PIGO: variants seen among roughly 807,000 people sequenced by gnomAD.
The protein encoded by PIGO is phosphatidylinositol glycan anchor biosynthesis class O.
A neutral mutation model predicts 86.9 loss-of-function variants in PIGO; 66 were observed. The observed-to-expected ratio is 0.76, with a 90% CI of 0.62 to 0.93. The LOEUF (loss-of-function observed/expected upper bound fraction) is 0.93, where lower values mean the gene tolerates loss of function less well. PIGO is among the 40% of genes least tolerant of loss of function. PIGO has a pLI of 0.00. For missense variants in PIGO, 1,202 were observed against 1,359.1 expected (o/e 0.88, Z 1.82); for synonymous variants, 570 against 556.4 (o/e 1.02, Z -0.34).
Position 35,089,222 on chromosome 9 carries a change from C to T in PIGO, c.3141-1G>A. 1 of 1,614,192 alleles carries T rather than the reference C, an allele frequency of 6.2e-7. No individual in the cohort carries two copies. The highest frequency in any genetic ancestry group is 8.5e-7 in the Non-Finnish European group (1 of 1,180,028). On this transcript the variant is annotated splice_acceptor_variant, in intron 10 of 10. Coordinates refer to ENST00000378617, the MANE Select transcript of PIGO (RefSeq NM_032634.4). LOFTEE classifies it high-confidence loss of function. ...GAAGCCCACAGCCTCAAATATGAAC[C>T]TGCAAAGAAAGGCGGAGAATCTCAG... is the stretch of plus-strand genomic sequence containing the variant.
chr9:35,093,420 C>A lies in PIGO; in HGVS notation c.939+1G>T, dbSNP rs780385306. 1 of 1,613,976 alleles carries A rather than the reference C, an allele frequency of 6.2e-7. No homozygotes were observed. The highest frequency in any genetic ancestry group is 8.5e-7 in the Non-Finnish European group (1 of 1,180,006). Reference sequence around the variant, plus strand: ...CAGATGAGGAACATCCCAGGCCTCACCTCTGGTGGGGTGCTGGGGAAGACT... The same window carrying A: ...CAGATGAGGAACATCCCAGGCCTCAACTCTGGTGGGGTGCTGGGGAAGACT... On this transcript the variant is annotated splice_donor_variant, in intron 5 of 10. Coordinates refer to ENST00000378617, the MANE Select transcript of PIGO (RefSeq NM_032634.4). LOFTEE classifies it high-confidence loss of function.
chr9:35,090,023 CAG>C, intron 9 of PIGO, 41 bp downstream of exon 9: 2 of 1,583,862 alleles, frequency 1.3e-6, no homozygotes, highest in Non-Finnish European at 1.7e-6. Flanking sequence ...GATGCACACA[CAG>C]AGAAAAAACA....
Position 35,092,026 on chromosome 9 carries a change from C to G in PIGO, c.1861G>C (p.Ala621Pro). 1.9e-6 allele frequency: 3 copies of G among 1,614,228 alleles called. 1 individual carries two copies. Among genetic ancestry groups the G allele is most frequent in the Middle Eastern group, 1.6e-4 (1 of 6,062 alleles). The change falls in exon 7 of 11, where the codon GCC (alanine) becomes CCC (proline). Residue 621 changes from alanine to proline, a missense_variant. By Grantham distance (27) the Ala-to-Pro change is conservative. Transcript: ENST00000378617. ...TNPPRHNGAY[A>P]LRLGIGLLLC... is the part of the protein sequence containing the mutation. ...AGCAACCCAATTCCAAGCCTCAGGG[C>G]ATATGCACCATTGTGCCGTGGGGGG...
At position 35,095,283 on chromosome 9, in the gene PIGO, G is replaced by A. The variant is rs753828709; in HGVS notation, c.283C>T (p.Pro95Ser). Reference sequence around the variant, plus strand: ...TTGCCCAGGAAGGGTAGGGAGACAGGAGGCTCTCTAGGCACGTGTGAATGC... The same window carrying A: ...TTGCCCAGGAAGGGTAGGGAGACAGAAGGCTCTCTAGGCACGTGTGAATGC... ...PQHSHVPREP[P>S]VSLPFLGKLS... is the part of the protein sequence containing the mutation. The change falls in exon 2 of 11, where the codon CCT becomes TCT. Residue 95 changes from proline (P) to serine (S), a missense_variant. Pro to Ser is a moderately conservative substitution (Grantham distance 74). Coordinates refer to ENST00000378617, the MANE Select transcript of PIGO (RefSeq NM_032634.4). 4.3e-6 allele frequency: 7 copies of A among 1,614,158 alleles called. No homozygotes were observed. The Admixed American group carries it at 1.2e-4, about 27-fold the overall frequency.
Position 35,090,693 on chromosome 9 carries a change from C to T in PIGO, c.2648-21G>A, listed in dbSNP as rs368856186. The T allele has an allele frequency of 2.6e-5, 42 of 1,609,282 alleles. No individual in the cohort carries two copies. In the African/African-American group the frequency reaches 3.6e-4, roughly 14 times the overall value. On this transcript the variant is annotated intron_variant, in intron 7 of 10. Transcript: ENST00000378617. ...AGGACCTGGAAGAAAAGATATGCCA[C>T]GTTACAGTCACTTCTTATTCCCTAA... is the stretch of plus-strand genomic sequence containing the variant.
Position 35,092,126 on chromosome 9 carries a change from C to G in PIGO, c.1761G>C (p.Gln587His). ...GAAGCAGCTGGCCCTCCCAGTGAAG[C>G]TGGACAACCAGGAGCAGGATGAATG... ...LGSFILLLVV[Q>H]LHWEGQLLPP... Residue 587 changes from glutamine (Q) to histidine (H), a missense_variant, in exon 7 of 11, where the codon CAG becomes CAC. Gln to His is a conservative substitution (Grantham distance 24, BLOSUM62 0). Transcript: ENST00000378617. The G allele has an allele frequency of 6.2e-7, 1 of 1,614,222 alleles. No homozygotes were observed. Among genetic ancestry groups the G allele is most frequent in the South Asian group, 1.1e-5 (1 of 91,090 alleles).
Position 35,090,621 on chromosome 9 carries a change from G to A in PIGO, c.2699C>T (p.Thr900Ile), listed in dbSNP as rs770850061. 3.7e-6 allele frequency: 6 copies of A among 1,614,036 alleles called. No homozygotes were observed. The highest frequency in any genetic ancestry group is 1.3e-5 in the African/African-American group (1 of 75,066). Residue 900 changes from threonine (T) to isoleucine (I), a missense_variant, in exon 8 of 11, where the codon ACA (threonine) becomes ATA (isoleucine). Transcript: ENST00000378617. ...QAVSAWALMATQTFYSTGHQP... is the reference protein window; with the variant it reads ...QAVSAWALMAIQTFYSTGHQP... Reference sequence around the variant, plus strand: ...GTGGCCTGTGGAGTAGAAGGTCTGTGTGGCCATGAGGGCCCAAGCCGAGAC... The same window carrying A: ...GTGGCCTGTGGAGTAGAAGGTCTGTATGGCCATGAGGGCCCAAGCCGAGAC...
rs748435788 is a variant in PIGO at position 35,092,353 on chromosome 9, G to A, written c.1534C>T (p.Leu512Phe). ...GTIELKLDLV[L>F]LGAVAAVSSF... is the part of the protein sequence containing the mutation. Reference sequence around the variant, plus strand: ...CTCACTGCAGCCACAGCCCCTAGAAGCACTAGATCTAGCTTCAGCTCAATA... The same window carrying A: ...CTCACTGCAGCCACAGCCCCTAGAAACACTAGATCTAGCTTCAGCTCAATA... The change falls in exon 7 of 11, where the codon CTT (leucine) becomes TTT (phenylalanine). Residue 512 changes from leucine (L) to phenylalanine (F), a missense_variant. Coordinates refer to ENST00000378617, the MANE Select transcript of PIGO (RefSeq NM_032634.4). 15 of 1,614,108 alleles carry A rather than the reference G, an allele frequency of 9.3e-6. No homozygotes were observed. Among genetic ancestry groups the A allele is most frequent in the Non-Finnish European group, 1.2e-5 (14 of 1,180,046 alleles).
Position 35,089,119 on chromosome 9 carries a change from C to T in PIGO, c.3243G>A (p.Arg1081=), listed in dbSNP as rs1320450967. ...RVDGAVSSWF[R]QLFLAQQR is the part of the protein sequence containing the mutation. ...ACCTCTGCTGGGCCAGAAATAGCTGCCTGAACCAGGAGCTCACAGCACCAT... is the reference window on the plus strand; with the variant it reads ...ACCTCTGCTGGGCCAGAAATAGCTGTCTGAACCAGGAGCTCACAGCACCAT... Residue 1081 remains arginine (R), a synonymous_variant, in exon 11 of 11, where the codon AGG becomes AGA. Transcript: ENST00000378617. 6.2e-7 allele frequency: 1 copy of T among 1,614,014 alleles called. No individual in the cohort carries two copies. Among genetic ancestry groups the T allele is most frequent in the African/African-American group, 1.3e-5 (1 of 74,890 alleles).
rs201657672 is a variant in PIGO at position 35,091,763 on chromosome 9, C to T, written c.2124G>A (p.Leu708=). The change falls in exon 7 of 11, where the codon CTG becomes CTA. Residue 708 remains leucine, a synonymous_variant. Transcript: ENST00000378617. ...EPPMLFVRWG[L]PLMALGTAAY... is the part of the protein sequence containing the mutation. ...CAGCAGTACCCAATGCCATTAGGGG[C>T]AGTCCCCAGCGCACAAAGAGCATGG... is the stretch of plus-strand genomic sequence containing the variant. The T allele has an allele frequency of 4.0e-4, 652 of 1,612,062 alleles. 3 individuals are homozygous for T. The highest frequency in any genetic ancestry group is 7.5e-5 in the Non-Finnish European group (89 of 1,180,024).
chr9:35,089,812 A>C (rs1829331215), intron 9 of PIGO: 1 of 1,401,676 alleles, frequency 7.1e-7, no homozygotes, highest in Non-Finnish European at 9.2e-7. Flanking sequence ...CAGTCTGTCC[A>C]CTGATAGAGT....
In PIGO at chr9:35,093,167, C is replaced by A; in HGVS notation, c.982G>T (p.Ala328Ser). The change falls in exon 6 of 11, where the codon GCC becomes TCC. Residue 328 changes from alanine (A) to serine (S), a missense_variant. Ala to Ser is a moderately conservative substitution (Grantham distance 99). Coordinates refer to ENST00000378617, the MANE Select transcript of PIGO (RefSeq NM_032634.4). ...GGGATGGGCAGGCCCAGCAGCAGGG[C>A]CAGCGTGGGCACAAGGCTAACTTGA... ...IPQVSLVPTL[A>S]LLLGLPIPFG... 1 of 1,614,110 alleles carries A rather than the reference C, an allele frequency of 6.2e-7. No individual in the cohort carries two copies. The highest frequency in any genetic ancestry group is 1.1e-5 in the South Asian group (1 of 91,086).
chr9:35,095,009 G>A, intron 2 of PIGO, 46 bp downstream of exon 2: 1 of 1,532,968 alleles, frequency 6.5e-7, no homozygotes, highest in African/African-American at 1.4e-5. Context: ...AAATTTTGAA[G>A]AAATTTGCCA....
In PIGO at chr9:35,093,970, C is replaced by A. The variant is rs773052205; in HGVS notation, c.710G>T (p.Cys237Phe). The change falls in exon 4 of 11, where the codon TGT becomes TTT. Residue 237 changes from cysteine to phenylalanine, a missense_variant. Coordinates refer to ENST00000378617, the MANE Select transcript of PIGO (RefSeq NM_032634.4). ...GTGGTGAGGGCCATGCTTGTGGCCA[C>A]AGTGGTCCACACCCAGGAAGTGAGC... ...LIAHFLGVDHCGHKHGPHHPE... is the reference protein window; with the variant it reads ...LIAHFLGVDHFGHKHGPHHPE... 30 of 1,614,034 alleles carry A rather than the reference C, an allele frequency of 1.9e-5. No homozygotes were observed. Among genetic ancestry groups the A allele is most frequent in the Non-Finnish European group, 2.5e-5 (29 of 1,180,024 alleles).
Position 35,092,748 on chromosome 9 carries a change from G to C in PIGO, c.1139C>G (p.Thr380Ser). The change falls in exon 7 of 11, where the codon ACC becomes AGC. Residue 380 changes from threonine to serine, a missense_variant. Physicochemically the swap from Thr to Ser is moderately conservative, Grantham distance 58. Transcript: ENST00000378617. ...AAGGTCCTGAGTAGCAGCTGAGTAG[G>C]TATGAAGAAATCGGGACACCTGGCA... ...NAQQVSRFLH[T>S]YSAATQDLQA... The C allele has an allele frequency of 6.2e-7, 1 of 1,607,392 alleles. No individual in the cohort carries two copies.
chr9:35,090,450 A>G lies in PIGO; in HGVS notation c.2854+16T>C, dbSNP rs1829363381. Reference sequence around the variant, plus strand: ...CCAGAGTAAACAATGGAAGCAAGTGAAGGAGGAGGGGGTACCTGCAAAGAG... The same window carrying G: ...CCAGAGTAAACAATGGAAGCAAGTGGAGGAGGAGGGGGTACCTGCAAAGAG... On this transcript the variant is annotated intron_variant, in intron 8 of 10. Transcript: ENST00000378617. 1.2e-5 allele frequency: 19 copies of G among 1,601,706 alleles called. No homozygotes were observed. The highest frequency in any genetic ancestry group is 1.5e-5 in the Non-Finnish European group (17 of 1,171,456).
rs759217806 is a variant in PIGO at position 35,095,244 on chromosome 9, G to A, written c.322C>T (p.Gln108Ter). Residue 108 changes from glutamine (Q) to a stop codon, truncating the protein, a stop_gained, in exon 2 of 11, where the codon CAG becomes TAG. Coordinates refer to ENST00000378617, the MANE Select transcript of PIGO (RefSeq NM_032634.4). LOFTEE classifies it high-confidence loss of function. ...TGGGGCTGAATCTCCAGGATCCTCT[G>A]CAAGGAGCTTAGTTTGCCCAGGAAG... Reference protein sequence around the residue: ...LPFLGKLSSLQRILEIQPHHA... With the variant: ...LPFLGKLSSL 5.6e-6 allele frequency: 9 copies of A among 1,614,174 alleles called. No homozygotes were observed. The highest frequency in any genetic ancestry group is 7.6e-6 in the Non-Finnish European group (9 of 1,180,028).
chr9:35,091,965 C>A lies in PIGO; in HGVS notation c.1922G>T (p.Cys641Phe). 6.2e-7 allele frequency: 1 copy of A among 1,614,192 alleles called. No individual in the cohort carries two copies. Among genetic ancestry groups the A allele is most frequent in the South Asian group, 1.1e-5 (1 of 91,084 alleles). ...GTGGCAAACAGGTGTCTCTTCAGGG[C>A]AACGATGAAAAAGCCCAGCTAGCCT... Reference protein sequence around the residue: ...CTRLAGLFHRCPEETPVCHSS... With the variant: ...CTRLAGLFHRFPEETPVCHSS... Residue 641 changes from cysteine to phenylalanine, a missense_variant, in exon 7 of 11, where the codon TGC becomes TTC. By Grantham distance (205) the Cys-to-Phe change is radical. Transcript: ENST00000378617.
Position 35,092,427 on chromosome 9 carries a change from A to T in PIGO, c.1460T>A (p.Val487Glu). Residue 487 changes from valine (V) to glutamate (E), a missense_variant, in exon 7 of 11, where the codon GTG becomes GAG. Physicochemically the swap from Val to Glu is moderately radical, Grantham distance 121. Transcript: ENST00000378617. ...FPFCPLLLTPVAWGLVGAIAY... is the reference protein window; with the variant it reads ...FPFCPLLLTPEAWGLVGAIAY... ...TATGGCCCCAACCAGGCCCCAGGCC[A>T]CAGGTGTCAGGAGTAGAGGGCAGAA... is the stretch of plus-strand genomic sequence containing the variant. 1 of 1,614,246 alleles carries T rather than the reference A, an allele frequency of 6.2e-7. No homozygotes were observed. Among genetic ancestry groups the T allele is most frequent in the Non-Finnish European group, 8.5e-7 (1 of 1,180,040 alleles).
Sources: allele counts gnomAD v4.1 joint callset, GRCh38; gene constraint gnomAD v4.1.1; transcripts MANE v1.5; gene names NCBI Gene and HGNC (gene_info 2026-07-23, HGNC 2026-07-21).